DCLK1: variants seen among roughly 807,000 people sequenced by gnomAD.
DCLK1 encodes serine/threonine-protein kinase DCLK1.
Under a neutral mutation model 86.2 loss-of-function variants are expected in DCLK1, and 16 were observed. The ratio of observed to expected loss-of-function variants is 0.19; its 90% CI spans 0.13 to 0.28. The LOEUF (loss-of-function observed/expected upper bound fraction) is 0.28. Among genes scored for constraint, DCLK1 ranks in the 10% least tolerant of loss-of-function variants. The pLI is 1.00. For missense variants in DCLK1, 590 were observed against 940.2 expected, an observed-to-expected ratio of 0.63 and a Z score of 4.87; for synonymous variants, 369 against 370.5, an observed-to-expected ratio of 1.00 and a Z score of 0.05.
At chr13:36,068,286 C>CTGTATCTAGTTAAAATGCAT (rs1883839377) in intron 3 of DCLK1, among the ~76,000 whole-genome samples, 1 of 152,132 alleles carries the variant, frequency 6.6e-6, no homozygotes. Context: ...GCATTTGACA[C>CTGTATCTAGTTAAAATGCAT]TGTACATAGT....
intron 3 of DCLK1, among the ~76,000 whole-genome samples, chr13:35,958,635 C>T (rs1878281278): frequency 6.6e-6 from 1 of 152,196 alleles, no homozygotes; most frequent in African/African-American, 2.4e-5. Context: ...GGATTTTGTT[C>T]TAAATGAGCT....
At chr13:35,856,169 GAATTTTTGT>G in intron 5 of DCLK1, among the ~76,000 whole-genome samples, 1 of 152,180 alleles carries the variant, frequency 6.6e-6, no homozygotes, top group Admixed American at 6.5e-5. Context: ...AAAAAGCTAT[GAATTTTTGT>G]TTGTTTGTTT....
At chr13:35,921,216 C>T (rs1176511051) in intron 4 of DCLK1, among the ~76,000 whole-genome samples, 1 of 152,154 alleles carries the variant, frequency 6.6e-6, no homozygotes, top group Non-Finnish European at 1.5e-5. Context: ...CACAGCCTGG[C>T]CCCAACCCTG....
chr13:35,815,199 A>C (rs950649302), intron 11 of DCLK1, among the ~76,000 whole-genome samples: 44 of 152,182 alleles, frequency 2.9e-4, no homozygotes, highest in African/African-American at 1.0e-3. Context: ...TGAACAGTAG[A>C]TCTTTAGGCA....
intron 4 of DCLK1, among the ~76,000 whole-genome samples, chr13:35,877,031 A>G (rs1872630171): frequency 1.3e-5 from 2 of 152,210 alleles, no homozygotes; most frequent in Non-Finnish European, 2.9e-5. Flanking sequence ...AACCTCCCAC[A>G]GCAGGCAAGC....
chr13:35,781,327 G>A (rs984777421), intron 16 of DCLK1, among the ~76,000 whole-genome samples: 4 of 152,232 alleles, frequency 2.6e-5, no homozygotes, highest in South Asian at 2.1e-4. Context: ...TAACCACATC[G>A]AGCCCCAATT....
chr13:35,826,553 A>G, intron 10 of DCLK1, among the ~76,000 whole-genome samples: 1 of 41,750 alleles, frequency 2.4e-5, no homozygotes, highest in African/African-American at 5.3e-5. Context: ...GAAAGAAAGA[A>G]AGAAAGAAAC....
chr13:35,947,260 T>G, intron 4 of DCLK1, 98 bp downstream of exon 4: 1 of 828,274 alleles, frequency 1.2e-6, no homozygotes, highest in Non-Finnish European at 1.9e-6. Flanking sequence ...CTGAAACTGA[T>G]TTGGTAGCTT....
At position 35,769,800 on chromosome 13, in the gene DCLK1, A is replaced by T. The variant is rs2086297712; in HGVS notation, c.*4735T>A. On this transcript the variant is annotated 3_prime_UTR_variant, in exon 17 of 17. Coordinates refer to ENST00000360631, the MANE Select transcript of DCLK1 (RefSeq NM_001330071.2). ...TAAGGGTCTCAATTTCATTGAACAG[A>T]AACAAATGCTGAAGAAATTTACAGG... 6.6e-6 allele frequency: 1 copy of T among 152,234 alleles called. No homozygotes were observed. The highest frequency in any genetic ancestry group is 2.4e-5 in the African/African-American group (1 of 41,466). 9.4% of individuals were successfully genotyped at this position (152,234 alleles called of 1,614,324 possible).
At chr13:35,833,059 G>A (rs1223102006) in intron 8 of DCLK1, among the ~76,000 whole-genome samples, 1 of 152,146 alleles carries the variant, frequency 6.6e-6, no homozygotes, top group Non-Finnish European at 1.5e-5. Context: ...TTGTTCTGCT[G>A]GATTTGAGCC....
chr13:35,878,359 G>A (rs767594746), intron 4 of DCLK1, among the ~76,000 whole-genome samples: 19 of 152,040 alleles, frequency 1.2e-4, no homozygotes, highest in African/African-American at 4.8e-5. Context: ...TACTCCACCC[G>A]TTTTCTGAGT....
intron 3 of DCLK1, among the ~76,000 whole-genome samples, chr13:35,959,125 T>C (rs1878308551): frequency 6.6e-6 from 1 of 152,204 alleles, no homozygotes; most frequent in South Asian, 2.1e-4. Flanking sequence ...TTAAAAATTA[T>C]ATATGGTGAT....
chr13:35,888,982 G>C (rs185753567), intron 4 of DCLK1, among the ~76,000 whole-genome samples: 198 of 151,902 alleles, frequency 1.3e-3, no homozygotes, highest in African/African-American at 4.6e-3. Context: ...ATCTCACATG[G>C]CAGAATTTTT....
intron 4 of DCLK1, among the ~76,000 whole-genome samples, chr13:35,898,241 A>G (rs755906281): frequency 9.2e-5 from 14 of 152,210 alleles, no homozygotes; most frequent in Non-Finnish European, 2.1e-4. Context: ...GTCTTATCCT[A>G]GAAGAGTAAG....
chr13:35,848,797 G>A (rs1250111336), intron 6 of DCLK1: 1 of 985,196 alleles, frequency 1.0e-6, no homozygotes, highest in Non-Finnish European at 1.2e-6. Context: ...TGGCAGTTTA[G>A]TCAAATACAT....
chr13:36,110,391 A>G (rs1885569171), intron 3 of DCLK1, among the ~76,000 whole-genome samples: 1 of 152,170 alleles, frequency 6.6e-6, no homozygotes, highest in African/African-American at 2.4e-5. Flanking sequence ...TTATCCGCAT[A>G]TTACTTAGGG....
chr13:35,823,115 C>T (rs116054906), intron 10 of DCLK1, among the ~76,000 whole-genome samples: 3,947 of 152,224 alleles, frequency 0.026, 159 homozygotes, highest in African/African-American at 0.091. Flanking sequence ...CGTGAGGATT[C>T]TCCACCACCA....
intron 10 of DCLK1, among the ~76,000 whole-genome samples, chr13:35,826,686 C>G (rs1237014591): frequency 1.3e-5 from 2 of 151,970 alleles, no homozygotes; most frequent in East Asian, 3.9e-4. Context: ...CTTAAAGACC[C>G]TAGAATGAAC....
At chr13:35,947,263 G>A in intron 4 of DCLK1, 95 bp downstream of exon 4, 1 of 844,006 alleles carries the variant, frequency 1.2e-6, no homozygotes, top group Non-Finnish European at 1.9e-6. Context: ...AAACTGATTT[G>A]GTAGCTTTGG....
Sources: gnomAD v4.1 joint callset for allele counts (sites outside exome capture counted in the v4.1 genomes callset) on GRCh38, gnomAD v4.1.1 for gene constraint, MANE v1.5 for transcripts, NCBI Gene and HGNC (gene_info 2026-07-23, HGNC 2026-07-21) for gene names.